The following GID4 variants were observed in gnomAD, a reference collection of about 807,000 sequenced individuals.
The protein encoded by GID4 is glucose-induced degradation protein 4 homolog.
GID4 carries 7 observed loss-of-function variants against 32.4 expected under a neutral mutation model. The ratio of observed to expected loss-of-function variants is 0.22; its 90% CI spans 0.12 to 0.41. GID4 has a LOEUF of 0.41. GID4 is among the 10% of genes least tolerant of loss of function. The pLI, the probability that GID4 is intolerant of heterozygous loss-of-function variation, is 1.00. For missense variants in GID4, 309 were observed against 400.0 expected (o/e 0.77, Z 1.94); for synonymous variants, 166 against 170.0 (o/e 0.98, Z 0.18).
chr17:18,062,431 G>A (rs1285428127), intron 5 of GID4, among the ~76,000 whole-genome samples: 2 of 152,180 alleles, frequency 1.3e-5, no homozygotes, highest in African/African-American at 2.4e-5. Context: ...GGGCCTGTGA[G>A]TGGACAGTCC....
intron 2 of GID4, among the ~76,000 whole-genome samples, chr17:18,051,998 C>G (rs139803790): frequency 6.6e-6 from 1 of 150,856 alleles, no homozygotes. Flanking sequence ...CACCTGAACC[C>G]GGGAGGCAGA....
chr17:18,050,348 G>T lies in GID4; in HGVS notation c.499-3779G>T, dbSNP rs2044898436. 5.9e-5 allele frequency among the ~76,000 whole-genome samples: 9 copies of T among 152,226 alleles called. No homozygotes were observed. In the South Asian group the frequency reaches 1.9e-3, roughly 31 times the overall value. On this transcript the variant is annotated intron_variant, in intron 2 of 5. Coordinates refer to ENST00000268719, the MANE Select transcript of GID4 (RefSeq NM_024052.5). ...GTTTGTTTTCATGCCTTCTGGAAGTGAAATTCTAGAAATGTAAAGAATAAA... is the reference window on the plus strand; with the variant it reads ...GTTTGTTTTCATGCCTTCTGGAAGTTAAATTCTAGAAATGTAAAGAATAAA...
At position 18,066,001 on chromosome 17, in the gene GID4, C is replaced by T. The variant is rs957731057; in HGVS notation, c.*758C>T. The stretch of plus-strand genomic sequence containing the variant: ...TGCTCCAAACTTTTCAACTTGAGGG[C>T]AATACTAAACTTAAAAATAAGAGTT... On this transcript the variant is annotated 3_prime_UTR_variant, in exon 6 of 6. Transcript: ENST00000268719. 5 of 152,174 alleles carry T rather than the reference C, an allele frequency of 3.3e-5. No individual in the cohort carries two copies. Among genetic ancestry groups the T allele is most frequent in the Non-Finnish European group, 7.4e-5 (5 of 68,026 alleles). 9.4% of individuals were successfully genotyped at this position (152,174 alleles called of 1,614,324 possible).
chr17:18,061,763 G>C lies in GID4; in HGVS notation c.709-82G>C, dbSNP rs2045019543. On this transcript the variant is annotated intron_variant, in intron 4 of 5. Transcript: ENST00000268719. The surrounding 1 kb of genome is among the most constrained non-coding windows in gnomAD (Gnocchi z 4.4). ...CTATATTTTTCTCGAGTGGTCCTTA[G>C]AACCCCCTGATGCTTAACAGGGAGG... 7.3e-7 allele frequency: 1 copy of C among 1,374,234 alleles called. No individual in the cohort carries two copies. The highest frequency in any genetic ancestry group is 1.7e-5 in the Admixed American group (1 of 58,528). The allele number at this position is 1,374,234 out of a possible 1,614,324, so 85.1% of individuals were successfully genotyped here. A position where few individuals can be genotyped will look rare whatever the true frequency, so the allele number is the denominator to read the frequency against.
In GID4 at chr17:18,039,963, G is replaced by T; in HGVS notation, c.438+61G>T. On this transcript the variant is annotated intron_variant, in intron 1 of 5. Coordinates refer to ENST00000268719, the MANE Select transcript of GID4 (RefSeq NM_024052.5). This position sits in a 1 kb window ranked among gnomAD's most constrained non-coding sequence, Gnocchi z 5.3. Reference sequence around the variant, plus strand: ...CTCGCGGCGCTCACGGGCCGTGCCCGCTTCGGCTCCTCGACCCCGCAGCCG... The same window carrying T: ...CTCGCGGCGCTCACGGGCCGTGCCCTCTTCGGCTCCTCGACCCCGCAGCCG... 7.8e-7 allele frequency: 1 copy of T among 1,288,152 alleles called. No individual in the cohort carries two copies. 79.8% of individuals were successfully genotyped at this position (1,288,152 alleles called of 1,614,324 possible). A position where few individuals can be genotyped will look rare whatever the true frequency, so the allele number is the denominator to read the frequency against.
At chr17:18,064,457 G>A (rs915712303) in intron 5 of GID4, among the ~76,000 whole-genome samples, 2 of 152,154 alleles carry the variant, frequency 1.3e-5, no homozygotes, top group African/African-American at 4.8e-5. Context: ...TAAGAAATAA[G>A]CCGCTTTTTC....
At chr17:18,052,744 A>G (rs1336543469) in intron 2 of GID4, among the ~76,000 whole-genome samples, 2 of 152,196 alleles carry the variant, frequency 1.3e-5, no homozygotes, top group African/African-American at 4.8e-5. Context: ...AGCAATTAAC[A>G]AAGCACCCAA....
Position 18,039,478 on chromosome 17 carries a change from G to T in GID4, c.14G>T (p.Gly5Val). The change falls in exon 1 of 6, where the codon GGG becomes GTG. Residue 5 changes from glycine (G) to valine (V), a missense_variant. Around this residue, in one of 2 missense-constraint regions of GID4, gnomAD observed 193 missense variants for 185.8 expected, o/e 1.04. Coordinates refer to ENST00000268719, the MANE Select transcript of GID4 (RefSeq NM_024052.5). This position sits in a 1 kb window ranked among gnomAD's most constrained non-coding sequence, Gnocchi z 5.3. Reference sequence around the variant, plus strand: ...CTGTGTGTGTGTATGTGTGCGCGAGGGCAAGTCGGGAGGGGGACCCAGCTC... The same window carrying T: ...CTGTGTGTGTGTATGTGTGCGCGAGTGCAAGTCGGGAGGGGGACCCAGCTC... MCAR[G>V]QVGRGTQLRT... The T allele has an allele frequency of 7.5e-7, 1 of 1,336,606 alleles. No individual in the cohort carries two copies. The highest frequency in any genetic ancestry group is 9.5e-7 in the Non-Finnish European group (1 of 1,048,320). The allele number at this position is 1,336,606 out of a possible 1,614,324, so 82.8% of individuals were successfully genotyped here.
intron 2 of GID4, among the ~76,000 whole-genome samples, chr17:18,045,797 G>A (rs1365937625): frequency 6.6e-6 from 1 of 151,300 alleles, no homozygotes; most frequent in Non-Finnish European, 1.5e-5. Context: ...GGGAGTCTGA[G>A]GCACAGAGAA....
Position 18,039,518 on chromosome 17 carries a change from C to T in GID4, c.54C>T (p.Pro18=), listed in dbSNP as rs1372561342. The stretch of plus-strand genomic sequence containing the variant: ...GGACCCAGCTCAGGACTGGGAGGCC[C>T]TGCTCGCAGGTCCCTGGGTCCCGGT... ...GRGTQLRTGR[P]CSQVPGSRWR... Residue 18 remains proline (P), a synonymous_variant, in exon 1 of 6, where the codon CCC becomes CCT. Coordinates refer to ENST00000268719, the MANE Select transcript of GID4 (RefSeq NM_024052.5). The surrounding 1 kb of genome is among the most constrained non-coding windows in gnomAD (Gnocchi z 5.3). The T allele has an allele frequency of 1.5e-6, 2 of 1,313,544 alleles. No individual in the cohort carries two copies. The highest frequency in any genetic ancestry group is 1.9e-6 in the Non-Finnish European group (2 of 1,035,858). 81.4% of individuals were successfully genotyped at this position (1,313,544 alleles called of 1,614,324 possible). A position where few individuals can be genotyped will look rare whatever the true frequency, so the allele number is the denominator to read the frequency against.
intron 1 of GID4, among the ~76,000 whole-genome samples, chr17:18,040,430 G>C (rs1029459942): frequency 6.6e-6 from 1 of 151,960 alleles, no homozygotes; most frequent in African/African-American, 2.4e-5. Context: ...ATCTCCTTAG[G>C]AGGGCTTCAT....
At chr17:18,048,222 CAG>C (rs1378998264) in intron 2 of GID4, among the ~76,000 whole-genome samples, 2 of 143,044 alleles carry the variant, frequency 1.4e-5, no homozygotes, top group Admixed American at 1.4e-4. Context: ...TTTTTTGAGA[CAG>C]AGTCTCAGTC....
Position 18,039,509 on chromosome 17 carries a change from T to G in GID4, c.45T>G (p.Thr15=), listed in dbSNP as rs1174500562. Reference sequence around the variant, plus strand: ...TCGGGAGGGGGACCCAGCTCAGGACTGGGAGGCCCTGCTCGCAGGTCCCTG... The same window carrying G: ...TCGGGAGGGGGACCCAGCTCAGGACGGGGAGGCCCTGCTCGCAGGTCCCTG... The part of the protein sequence containing the change: ...GQVGRGTQLR[T]GRPCSQVPGS... Residue 15 remains threonine, a synonymous_variant, in exon 1 of 6, where the codon ACT becomes ACG. Coordinates refer to ENST00000268719, the MANE Select transcript of GID4 (RefSeq NM_024052.5). The surrounding 1 kb of genome is among the most constrained non-coding windows in gnomAD (Gnocchi z 5.3). The G allele has an allele frequency of 2.3e-6, 3 of 1,318,160 alleles. No individual in the cohort carries two copies. The highest frequency in any genetic ancestry group is 2.9e-6 in the Non-Finnish European group (3 of 1,038,458). The allele number at this position is 1,318,160 out of a possible 1,614,324, so 81.7% of individuals were successfully genotyped here.
chr17:18,050,073 G>T (rs2044895634), intron 2 of GID4, among the ~76,000 whole-genome samples: 1 of 152,112 alleles, frequency 6.6e-6, no homozygotes, highest in Non-Finnish European at 1.5e-5. Context: ...TCTTTTTATG[G>T]CTTCATAGTA....
At chr17:18,054,040 A>C (rs2044940500) in intron 2 of GID4, 87 bp from the exon 3 acceptor site, 1 of 708,624 alleles carries the variant, frequency 1.4e-6, no homozygotes, top group Non-Finnish European at 2.4e-6. Flanking sequence ...ACTGGAAAGA[A>C]GTTAAAGCAA....
At chr17:18,059,399 G>T (rs1028850713) in intron 4 of GID4, among the ~76,000 whole-genome samples, 1 of 152,178 alleles carries the variant, frequency 6.6e-6, no homozygotes. Context: ...AACACCATCC[G>T]TGGGCCAGGT....
chr17:18,051,244 G>A (rs1041131384), intron 2 of GID4, among the ~76,000 whole-genome samples: 1 of 151,852 alleles, frequency 6.6e-6, no homozygotes, highest in Non-Finnish European at 1.5e-5. Context: ...AGGCTCAAGT[G>A]ATCCTCCTGT....
At chr17:18,054,483 G>A (rs573009677) in intron 3 of GID4, among the ~76,000 whole-genome samples, 1 of 152,184 alleles carries the variant, frequency 6.6e-6, no homozygotes, top group Non-Finnish European at 1.5e-5. Flanking sequence ...CCAGAACTCT[G>A]CTCAGCTATC....
chr17:18,060,846 G>A (rs1054200394), intron 4 of GID4, among the ~76,000 whole-genome samples: 3 of 152,282 alleles, frequency 2.0e-5, no homozygotes, highest in African/African-American at 4.8e-5. Context: ...CAATTCTCCT[G>A]CCTCAGCCTC....
Sources: gnomAD v4.1 joint callset for allele counts (sites outside exome capture counted in the v4.1 genomes callset) on GRCh38, gnomAD v4.1.1 for gene constraint, gnomAD v4.1.1 regional missense constraint, Gnocchi (gnomAD v3.1) non-coding constraint, MANE v1.5 for transcripts, NCBI Gene and HGNC (gene_info 2026-07-23, HGNC 2026-07-21) for gene names.